Variants in NF1 observed in about 807,000 individuals in gnomAD.
NF1 encodes neurofibromin.
Under a neutral mutation model 325.7 loss-of-function variants are expected in NF1, and 122 were observed. The observed-to-expected ratio is 0.37, with a 90% CI of 0.32 to 0.44. NF1 has a LOEUF of 0.44. Among genes scored for constraint, NF1 ranks in the 20% least tolerant of loss-of-function variants. The probability of loss-of-function intolerance (pLI) is 1.00; values close to 1 mark genes in which losing one functional copy is unlikely to be tolerated. For synonymous variants in NF1, 1,091 were observed against 1,186.0 expected (o/e 0.92, Z 1.65); for missense variants, 2,140 against 3,415.4 (o/e 0.63, Z 9.31).
intron 29 of NF1, among the ~76,000 whole-genome samples, chr17:31,245,955 A>G (rs7225014): frequency 0.47 from 71,295 of 151,722 alleles, 20,577 homozygotes; most frequent in African/African-American, 0.81. Flanking sequence ...GCTCCCTAGG[A>G]CCTCCCAGCC....
At chr17:31,228,916 T>C in intron 20 of NF1, 109 bp from the exon 21 acceptor site, 2 of 819,078 alleles carry the variant, frequency 2.4e-6, no homozygotes, top group Non-Finnish European at 3.8e-6. Flanking sequence ...ATGTATATTT[T>C]ACATTTTTTG....
At chr17:31,306,455 A>G (rs1189110550) in intron 36 of NF1, among the ~76,000 whole-genome samples, 3 of 152,050 alleles carry the variant, frequency 2.0e-5, no homozygotes, top group Admixed American at 1.3e-4. Flanking sequence ...CAAATTCAAC[A>G]TATTTAAAAT....
chr17:31,202,059 A>G (rs1278387855), intron 11 of NF1, among the ~76,000 whole-genome samples: 1 of 152,238 alleles, frequency 6.6e-6, no homozygotes, highest in Non-Finnish European at 1.5e-5. Context: ...AGCATATCAG[A>G]CAAAGTAAGT....
intron 39 of NF1, chr17:31,330,712 A>G: frequency 7.0e-6 from 4 of 570,428 alleles, no homozygotes. Context: ...TTCTGATAAT[A>G]AAAGCAAAGC....
chr17:31,096,169 G>A (rs566561333), intron 1 of NF1, among the ~76,000 whole-genome samples: 2 of 146,564 alleles, frequency 1.4e-5, no homozygotes, highest in Admixed American at 6.9e-5. Flanking sequence ...GTCTGAGGAT[G>A]TGATGCATTC....
intron 36 of NF1, among the ~76,000 whole-genome samples, chr17:31,307,591 A>T (rs2068758365): frequency 6.6e-6 from 1 of 152,130 alleles, no homozygotes; most frequent in East Asian, 1.9e-4. Context: ...CCATCTAACT[A>T]CCTGTCTAAC....
chr17:31,132,399 G>T (rs1254840697), intron 1 of NF1, among the ~76,000 whole-genome samples: 1 of 152,014 alleles, frequency 6.6e-6, no homozygotes, highest in African/African-American at 2.4e-5. Flanking sequence ...AACTAGCTGG[G>T]TGTGGTGGCA....
intron 36 of NF1, chr17:31,296,370 AT>A (rs1339094561): frequency 6.2e-7 from 1 of 1,612,624 alleles, no homozygotes; most frequent in Admixed American, 1.7e-5. Context: ...TTCTTTTAAT[AT>A]GCAAATACAG....
At chr17:31,149,416 A>C (rs1471455801) in intron 1 of NF1, among the ~76,000 whole-genome samples, 1 of 152,128 alleles carries the variant, frequency 6.6e-6, no homozygotes. Context: ...ATCATGCCTC[A>C]GCCTCCCAAG....
Position 31,229,843 on chromosome 17 carries a change from G to T in NF1, c.2859G>T (p.Leu953Phe), listed in dbSNP as rs756736860. 1 of 1,611,556 alleles carries T rather than the reference G, an allele frequency of 6.2e-7. No homozygotes were observed. The highest frequency in any genetic ancestry group is 8.5e-7 in the Non-Finnish European group (1 of 1,179,638). Residue 953 changes from leucine (L) to phenylalanine (F), a missense_variant, in exon 22 of 58, where the codon TTG (leucine) becomes TTT (phenylalanine). By Grantham distance (22) the Leu-to-Phe change is conservative. Coordinates refer to ENST00000358273, the MANE Select transcript of NF1 (RefSeq NM_001042492.3). ...KFFDSQGQVL[L>F]TDTNTQFVEQ... The stretch of plus-strand genomic sequence containing the variant: ...ATTTGTTCTTTCTTTAGGTTTTATT[G>T]ACTGATACCAATACTCAATTTGTAG...
Position 31,304,908 on chromosome 17 carries a change from A to G in NF1, c.4836-20912A>G, listed in dbSNP as rs141549690. ...GAGATCTACCTGCCCAATTTTGATC[A>G]TTTAAAACTGGTTTCCTTAAGCATT... On this transcript the variant is annotated intron_variant, in intron 36 of 57. Coordinates refer to ENST00000358273, the MANE Select transcript of NF1 (RefSeq NM_001042492.3). 4.3e-6 allele frequency: 7 copies of G among 1,614,034 alleles called. No individual in the cohort carries two copies. The African/African-American group carries it at 8.0e-5, about 18-fold the overall frequency.
chr17:31,328,815 AG>A (rs1234357737), intron 38 of NF1, among the ~76,000 whole-genome samples: 1 of 152,198 alleles, frequency 6.6e-6, no homozygotes, highest in Non-Finnish European at 1.5e-5. Context: ...GGGAAAAAGA[AG>A]AAAATCAAGA....
At chr17:31,102,173 A>G (rs370063328) in intron 1 of NF1, among the ~76,000 whole-genome samples, 2 of 152,232 alleles carry the variant, frequency 1.3e-5, no homozygotes, top group Non-Finnish European at 1.5e-5. Context: ...ATTTCCTCCC[A>G]TAGAGCAAAC....
intron 11 of NF1, among the ~76,000 whole-genome samples, chr17:31,205,360 A>G (rs2066601665): frequency 1.3e-5 from 2 of 152,192 alleles, no homozygotes; most frequent in South Asian, 4.1e-4. Context: ...ATTATAAATT[A>G]GAAGCCTACA....
intron 1 of NF1, among the ~76,000 whole-genome samples, chr17:31,153,027 A>AAT (rs1917057101): frequency 6.6e-6 from 1 of 151,980 alleles, no homozygotes; most frequent in South Asian, 2.1e-4. Context: ...ATAAAAAAAA[A>AAT]ATGGTCTCAT....
intron 1 of NF1, among the ~76,000 whole-genome samples, chr17:31,143,271 A>G (rs1916359420): frequency 6.6e-6 from 1 of 151,450 alleles, no homozygotes; most frequent in Admixed American, 6.6e-5. Flanking sequence ...ACACACACGG[A>G]CACACACACT....
chr17:31,206,349 A>T lies in NF1; in HGVS notation c.1370A>T (p.His457Leu), dbSNP rs786202763. Residue 457 changes from histidine to leucine, a missense_variant, in exon 12 of 58, where the codon CAC becomes CTC. Coordinates refer to ENST00000358273, the MANE Select transcript of NF1 (RefSeq NM_001042492.3). The stretch of plus-strand genomic sequence containing the variant: ...AAAGCAGTGCAAGGTTGTGGAGCAC[A>T]CCCAGCAATACGAATGGCACCGGTA... ...LHKAVQGCGA[H>L]PAIRMAPSLT... 8 of 1,613,796 alleles carry T rather than the reference A, an allele frequency of 5.0e-6. No homozygotes were observed. In the African/African-American group the frequency reaches 9.3e-5, roughly 19 times the overall value.
At chr17:31,116,624 A>G (rs908226652) in intron 1 of NF1, among the ~76,000 whole-genome samples, 8 of 152,200 alleles carry the variant, frequency 5.3e-5, no homozygotes, top group South Asian at 4.2e-4. Context: ...CAATATAGTT[A>G]GAAAATTTTA....
At chr17:31,226,892 A>G (rs1200881299) in intron 18 of NF1, among the ~76,000 whole-genome samples, 1 of 152,224 alleles carries the variant, frequency 6.6e-6, no homozygotes, top group African/African-American at 2.4e-5. Context: ...AATATGCTAT[A>G]CATTTTAAAA....
Sources: allele counts gnomAD v4.1 joint callset (sites outside exome capture counted in the v4.1 genomes callset), GRCh38; gene constraint gnomAD v4.1.1; transcripts MANE v1.5; gene names NCBI Gene and HGNC (gene_info 2026-07-23, HGNC 2026-07-21).